The following ATP9A variants were observed in gnomAD, a reference collection of about 807,000 sequenced individuals.
The protein encoded by ATP9A is probable phospholipid-transporting ATPase IIA.
A neutral mutation model predicts 144.1 loss-of-function variants in ATP9A; 52 were observed. The observed-to-expected ratio is 0.36, with a 90% CI of 0.29 to 0.45. The LOEUF (loss-of-function observed/expected upper bound fraction) is 0.45. Ranked by LOEUF, ATP9A falls within the 20% of genes least tolerant of loss-of-function variation. The probability of loss-of-function intolerance (pLI) is 1.00; values close to 1 mark genes in which losing one functional copy is unlikely to be tolerated. For synonymous variants in ATP9A, 582 were observed against 557.4 expected (o/e 1.04, Z -0.62); for missense variants, 947 against 1,392.7 (o/e 0.68, Z 5.09).
chr20:51,696,054 G>A, intron 6 of ATP9A, 39 bp downstream of exon 6: 1 of 1,565,970 alleles, frequency 6.4e-7, no homozygotes, highest in East Asian at 2.2e-5. Flanking sequence ...ACCACTGAAA[G>A]GTTAATGGTT....
rs1161132652 is a variant in ATP9A, at chr20:51,690,804, G to A, written c.658C>T (p.Arg220Ter). Residue 220 changes from arginine (R) to a stop codon, truncating the protein, a stop_gained, in exon 8 of 28, where the codon CGA becomes TGA. Transcript: ENST00000338821. LOFTEE classifies it high-confidence loss of function. The stretch of plus-strand genomic sequence containing the variant: ...GGCTCTTCTGCGTACACATACGATC[G>A]AATCTGAAGAAGGTCCTGTTCAACA... ...LPTAADLLQI[R>*]SYVYAEEPNI... 2.5e-6 allele frequency: 4 copies of A among 1,614,070 alleles called. No homozygotes were observed. Among genetic ancestry groups the A allele is most frequent in the East Asian group, 2.2e-5 (1 of 44,882 alleles).
chr20:51,756,981 C>T lies in ATP9A; in HGVS notation c.68+11321G>A, dbSNP rs184222644. Reference sequence around the variant, plus strand: ...ACTATGGCCACTCAGTGAGTATCAGCTTCCTTAGTCCAGTGGCTCTGAGGG... The same window carrying T: ...ACTATGGCCACTCAGTGAGTATCAGTTTCCTTAGTCCAGTGGCTCTGAGGG... On this transcript the variant is annotated intron_variant, in intron 1 of 27. Transcript: ENST00000338821. Among the ~76,000 whole-genome samples, 287 of 152,188 alleles carry T rather than the reference C, an allele frequency of 1.9e-3. 1 individual carries two copies. The highest frequency in any genetic ancestry group is 3.3e-3 in the Admixed American group (50 of 15,272).
chr20:51,689,123 G>A lies in ATP9A; in HGVS notation c.740C>T (p.Pro247Leu), dbSNP rs781211894. Residue 247 changes from proline (P) to leucine (L), a missense_variant, in exon 9 of 28, where the codon CCG becomes CTG. Physicochemically the swap from Pro to Leu is moderately conservative, Grantham distance 98. Around this residue, in one of 2 missense-constraint regions of ATP9A, gnomAD observed 770 missense variants for 1,047.9 expected, o/e 0.73. Coordinates refer to ENST00000338821, the MANE Select transcript of ATP9A (RefSeq NM_006045.3). ...CTCTATGCTCAGGCTCTCGCTGATCGGGGGGTCGCTGTCTTCCTGGAAAAG... is the reference window on the plus strand; with the variant it reads ...CTCTATGCTCAGGCTCTCGCTGATCAGGGGGTCGCTGTCTTCCTGGAAAAG... ...GTFTREDSDP[P>L]ISESLSIENT... 3.0e-5 allele frequency: 49 copies of A among 1,613,564 alleles called. No homozygotes were observed. Among genetic ancestry groups the A allele is most frequent in the South Asian group, 7.7e-5 (7 of 91,040 alleles).
intron 1 of ATP9A, among the ~76,000 whole-genome samples, chr20:51,750,948 G>A (rs1400245823): frequency 6.6e-6 from 1 of 152,144 alleles, no homozygotes; most frequent in Non-Finnish European, 1.5e-5. Context: ...ACTGCTATGG[G>A]AGCGTCCATG....
At chr20:51,757,354 G>T (rs1049403622) in intron 1 of ATP9A, among the ~76,000 whole-genome samples, 1 of 152,110 alleles carries the variant, frequency 6.6e-6, no homozygotes, top group African/African-American at 2.4e-5. Context: ...CAAACTGCCC[G>T]TGGCACGTGG....
In ATP9A at chr20:51,601,089, T is replaced by A; in HGVS notation, c.*122A>T. On this transcript the variant is annotated 3_prime_UTR_variant, in exon 28 of 28. Coordinates refer to ENST00000338821, the MANE Select transcript of ATP9A (RefSeq NM_006045.3). ...CGTTTAGGCGCAGAGCCACTTCCCATTAAAACTGCATGTGTTAGCAATTAC... is the reference window on the plus strand; with the variant it reads ...CGTTTAGGCGCAGAGCCACTTCCCAATAAAACTGCATGTGTTAGCAATTAC... 1 of 1,270,328 alleles carries A rather than the reference T, an allele frequency of 7.9e-7. No individual in the cohort carries two copies. Among genetic ancestry groups the A allele is most frequent in the Non-Finnish European group, 1.1e-6 (1 of 939,886 alleles). The allele number at this position is 1,270,328 out of a possible 1,614,324, so 78.7% of individuals were successfully genotyped here. A position where few individuals can be genotyped will look rare whatever the true frequency, so the allele number is the denominator to read the frequency against.
At chr20:51,624,214 G>A (rs1309335798) in intron 18 of ATP9A, among the ~76,000 whole-genome samples, 3 of 152,230 alleles carry the variant, frequency 2.0e-5, no homozygotes, top group African/African-American at 4.8e-5. Context: ...GGCACGCAGG[G>A]GTGGGAGTCC....
At chr20:51,718,618 G>C (rs2077673213) in intron 3 of ATP9A, among the ~76,000 whole-genome samples, 1 of 151,250 alleles carries the variant, frequency 6.6e-6, no homozygotes. Flanking sequence ...AGGAGTTCGA[G>C]ACCAGCCTGG....
chr20:51,746,597 T>C (rs533092401), intron 1 of ATP9A, among the ~76,000 whole-genome samples: 1 of 152,308 alleles, frequency 6.6e-6, no homozygotes, highest in Non-Finnish European at 1.5e-5. Context: ...CCCAACATTT[T>C]GGGAGGCCAA....
At chr20:51,763,603 G>A (rs917926448) in intron 1 of ATP9A, among the ~76,000 whole-genome samples, 12 of 152,046 alleles carry the variant, frequency 7.9e-5, no homozygotes, top group East Asian at 3.9e-4. Flanking sequence ...ATGAGCCACC[G>A]CACCTGGCCA....
intron 3 of ATP9A, among the ~76,000 whole-genome samples, chr20:51,723,565 T>C: frequency 3.8e-5 from 1 of 26,612 alleles, no homozygotes; most frequent in African/African-American, 1.7e-4. Flanking sequence ...AGCAAATTCT[T>C]TTTTTTTTTT....
At chr20:51,686,999 C>T (rs890506380) in intron 9 of ATP9A, among the ~76,000 whole-genome samples, 25 of 151,270 alleles carry the variant, frequency 1.7e-4, no homozygotes, top group South Asian at 1.0e-3. Flanking sequence ...TGACCACCTG[C>T]CAGGTAATCT....
Position 51,671,233 on chromosome 20 carries a change from G to A in ATP9A, c.1062C>T (p.Gly354=). 4 of 1,613,844 alleles carry A rather than the reference G, an allele frequency of 2.5e-6. No individual in the cohort carries two copies. The highest frequency in any genetic ancestry group is 3.4e-6 in the Non-Finnish European group (4 of 1,179,772). The change falls in exon 12 of 28, where the codon GGC becomes GGT. Residue 354 remains glycine, a synonymous_variant. Coordinates refer to ENST00000338821, the MANE Select transcript of ATP9A (RefSeq NM_006045.3). ...PISLRVNLDM[G]KIVYSWVIRR... Reference sequence around the variant, plus strand: ...GAATCACCCAGCTGTACACGATCTTGCCCATGTCCAGGTTCACACGCAAAC... The same window carrying A: ...GAATCACCCAGCTGTACACGATCTTACCCATGTCCAGGTTCACACGCAAAC...
chr20:51,722,615 G>A (rs1235830992), intron 3 of ATP9A, among the ~76,000 whole-genome samples: 2 of 152,196 alleles, frequency 1.3e-5, no homozygotes, highest in Non-Finnish European at 2.9e-5. Flanking sequence ...CTAATGATCA[G>A]GGAAATGCAA....
At chr20:51,638,500 C>G (rs1034821072) in intron 15 of ATP9A, among the ~76,000 whole-genome samples, 31 of 151,974 alleles carry the variant, frequency 2.0e-4, no homozygotes, top group African/African-American at 7.5e-4. Flanking sequence ...ACAACCAGAC[C>G]AAGTGGCATA....
At chr20:51,744,242 T>A (rs2048863109) in intron 1 of ATP9A, among the ~76,000 whole-genome samples, 1 of 152,144 alleles carries the variant, frequency 6.6e-6, no homozygotes, top group African/African-American at 2.4e-5. Flanking sequence ...CTCGGTTCAC[T>A]GTAACCTCCG....
At chr20:51,693,519 T>C (rs1238496586) in intron 7 of ATP9A, among the ~76,000 whole-genome samples, 1 of 152,030 alleles carries the variant, frequency 6.6e-6, no homozygotes, top group Admixed American at 6.6e-5. Flanking sequence ...TTGTTTTTTT[T>C]TTATTTTATG....
chr20:51,671,168 C>A lies in ATP9A; in HGVS notation c.1127G>T (p.Ser376Ile). 6.2e-7 allele frequency: 1 copy of A among 1,614,130 alleles called. No individual in the cohort carries two copies. Among genetic ancestry groups the A allele is most frequent in the Non-Finnish European group, 8.5e-7 (1 of 1,180,002 alleles). The part of the protein sequence containing the change: ...SKIPGTVVRS[S>I]TIPEQLGRIS... ...CCTGCCCAGCTGCTCAGGAATCGTG[C>A]TGGAGCGAACCACGGTCCCGGGGAT... The change falls in exon 12 of 28, where the codon AGC becomes ATC. Residue 376 changes from serine to isoleucine, a missense_variant. By Grantham distance (142) the Ser-to-Ile change is moderately radical. Transcript: ENST00000338821.
At chr20:51,730,304 T>C (rs2077735068) in intron 1 of ATP9A, among the ~76,000 whole-genome samples, 1 of 151,936 alleles carries the variant, frequency 6.6e-6, no homozygotes, top group Admixed American at 6.6e-5. Context: ...TCGTCTGTAC[T>C]AAAAAATACA....
Sources: gnomAD v4.1 joint callset for allele counts (sites outside exome capture counted in the v4.1 genomes callset) on GRCh38, gnomAD v4.1.1 for gene constraint, gnomAD v4.1.1 regional missense constraint, MANE v1.5 for transcripts, NCBI Gene and HGNC (gene_info 2026-07-23, HGNC 2026-07-21) for gene names.